SFXN5: variants seen among roughly 807,000 people sequenced by gnomAD.
The protein encoded by SFXN5 is sideroflexin 5.
Under a neutral mutation model 50.2 loss-of-function variants are expected in SFXN5, and 43 were observed. That is an observed-to-expected ratio of 0.86 (90% CI 0.67 to 1.11). The LOEUF (loss-of-function observed/expected upper bound fraction) is 1.11. SFXN5 is among the 50% of genes least tolerant of loss of function. The probability of loss-of-function intolerance (pLI) is 0.00; values close to 1 mark genes in which losing one functional copy is unlikely to be tolerated. For missense variants in SFXN5, 463 were observed against 454.1 expected (o/e 1.02, Z -0.18); for synonymous variants, 203 against 185.8 (o/e 1.09, Z -0.75).
chr2:72,959,705 T>TC (rs1559087751), intron 13 of SFXN5, among the ~76,000 whole-genome samples: 1 of 151,776 alleles, frequency 6.6e-6, no homozygotes, highest in Non-Finnish European at 1.5e-5. Context: ...TGTGCTCTGG[T>TC]CCCCCCTCCT....
chr2:73,047,238 A>G (rs1193722431), intron 2 of SFXN5, among the ~76,000 whole-genome samples: 2 of 62,650 alleles, frequency 3.2e-5, no homozygotes, highest in African/African-American at 1.6e-4. Context: ...AAAAAAAAAA[A>G]AAAAAAAATA....
At chr2:73,047,283 T>TATATATATATATATATATACACAC (rs1325442108) in intron 2 of SFXN5, among the ~76,000 whole-genome samples, 79 of 73,550 alleles carry the variant, frequency 1.1e-3, no homozygotes, top group Admixed American at 2.9e-3. Flanking sequence ...TATACACACA[T>TATATATATATATATATATACACAC]ATATATATAT....
At chr2:73,017,642 C>T (rs1012949867) in intron 6 of SFXN5, among the ~76,000 whole-genome samples, 1 of 152,174 alleles carries the variant, frequency 6.6e-6, no homozygotes, top group African/African-American at 2.4e-5. Context: ...AGTACATATA[C>T]TGTTGGAGTC....
At chr2:73,041,011 T>G in intron 2 of SFXN5, 80 bp from the exon 3 acceptor site, 1 of 1,130,208 alleles carries the variant, frequency 8.8e-7, no homozygotes, top group Non-Finnish European at 1.3e-6. Context: ...ATTACATCAG[T>G]ATCAAATACT....
At chr2:72,991,060 G>A (rs1365729188) in intron 9 of SFXN5, among the ~76,000 whole-genome samples, 1 of 152,250 alleles carries the variant, frequency 6.6e-6, no homozygotes, top group African/African-American at 2.4e-5. Context: ...TCACGGAAGT[G>A]AGCAGAGAGG....
intron 3 of SFXN5, among the ~76,000 whole-genome samples, chr2:73,037,506 C>A (rs1359653082): frequency 6.6e-6 from 1 of 152,124 alleles, no homozygotes. Context: ...TTTGCCAGAG[C>A]TGAAGACAGG....
At chr2:72,988,154 C>A in intron 10 of SFXN5, 104 bp downstream of exon 10, 1 of 1,033,306 alleles carries the variant, frequency 9.7e-7, no homozygotes. Context: ...CTGGGTGCCC[C>A]CTGGGCATCA....
chr2:72,980,200 T>C (rs1178216398), intron 10 of SFXN5, among the ~76,000 whole-genome samples: 2 of 151,710 alleles, frequency 1.3e-5, no homozygotes, highest in Non-Finnish European at 2.9e-5. Context: ...ATGATTCAAA[T>C]GGTGTAAAAG....
At chr2:72,988,542 C>T (rs897909228) in intron 9 of SFXN5, among the ~76,000 whole-genome samples, 194 bp from the exon 10 acceptor site, 2 of 151,972 alleles carry the variant, frequency 1.3e-5, no homozygotes, top group African/African-American at 4.8e-5. Flanking sequence ...GTACCACTGC[C>T]CAGTCATCCC....
At chr2:72,958,959 A>T (rs74730522) in intron 13 of SFXN5, among the ~76,000 whole-genome samples, 1 of 151,758 alleles carries the variant, frequency 6.6e-6, no homozygotes, top group Admixed American at 6.6e-5. Flanking sequence ...AAGCCACCCC[A>T]TTTCTCACCT....
intron 2 of SFXN5, among the ~76,000 whole-genome samples, chr2:73,057,022 G>A (rs1237041888): frequency 6.6e-6 from 1 of 152,184 alleles, no homozygotes; most frequent in Non-Finnish European, 1.5e-5. Flanking sequence ...AAAGAATCCA[G>A]GTGTTTATCA....
chr2:73,052,623 A>G (rs865953122), intron 2 of SFXN5, among the ~76,000 whole-genome samples: 5 of 152,280 alleles, frequency 3.3e-5, no homozygotes, highest in Middle Eastern at 3.4e-3. Context: ...TATGCCCTTC[A>G]TGATGATAAT....
At chr2:73,046,219 G>C (rs1680301011) in intron 2 of SFXN5, among the ~76,000 whole-genome samples, 1 of 151,964 alleles carries the variant, frequency 6.6e-6, no homozygotes, top group East Asian at 1.9e-4. Flanking sequence ...GACCACCCTG[G>C]CCAACATGGT....
In SFXN5 at chr2:73,004,313, G is replaced by GCACACACACA. The variant is rs1239165881; in HGVS notation, c.358-2736_358-2735insTGTGTGTGTG. Among the ~76,000 whole-genome samples, 335 of 138,490 alleles carry GCACACACACA rather than the reference G, an allele frequency of 2.4e-3. 3 individuals carry two copies. Among genetic ancestry groups the GCACACACACA allele is most frequent in the African/African-American group, 9.8e-3 (321 of 32,864 alleles). The allele number at this position is 138,490 out of a possible 152,430, so 90.9% of individuals were successfully genotyped here. ...AGCCAGAGGAGAGGAATGAGTGCGCGCGCACACACACACACACACACACAC... is the reference window on the plus strand; with the variant it reads ...AGCCAGAGGAGAGGAATGAGTGCGCGCACACACACACGCACACACACACACACACACACAC... On this transcript the variant is annotated intron_variant, in intron 6 of 13. Transcript: ENST00000272433.
chr2:72,950,410 A>G lies in SFXN5; in HGVS notation c.946-5311T>C, dbSNP rs2105326593. 6.6e-6 allele frequency among the ~76,000 whole-genome samples: 1 copy of G among 152,292 alleles called. No homozygotes were observed. Among genetic ancestry groups the G allele is most frequent in the Middle Eastern group, 3.4e-3 (1 of 294 alleles). ...TAGCCTCTCACTCTATCCCAGGCCA[A>G]CTTAACTGGTCATTTGTTAGGACCC... On this transcript the variant is annotated intron_variant, in intron 13 of 13. Transcript: ENST00000272433. This position sits in a 1 kb window ranked among gnomAD's most constrained non-coding sequence, Gnocchi z 4.2.
chr2:73,045,696 T>C (rs1370351054), intron 2 of SFXN5, among the ~76,000 whole-genome samples: 1 of 151,942 alleles, frequency 6.6e-6, no homozygotes, highest in Non-Finnish European at 1.5e-5. Context: ...AGCTTGACCA[T>C]TACTAGAGTC....
chr2:73,040,752 T>A, intron 3 of SFXN5, 102 bp downstream of exon 3: 1 of 898,402 alleles, frequency 1.1e-6, no homozygotes, highest in Non-Finnish European at 1.7e-6. Context: ...CAGAAGTATA[T>A]GCTGGACGAA....
chr2:72,996,384 C>T (rs1574067042), intron 9 of SFXN5: 1 of 152,476 alleles, frequency 6.6e-6, no homozygotes, highest in African/African-American at 2.4e-5. Context: ...ACCCATACCC[C>T]ACAAATCTGT....
At chr2:73,070,929 C>T (rs1683546646) in intron 1 of SFXN5, 1 of 152,378 alleles carries the variant, frequency 6.6e-6, no homozygotes, top group African/African-American at 2.4e-5. Context: ...CACAGCGTTT[C>T]CCCCGCACGC....
Sources: allele counts gnomAD v4.1 joint callset (sites outside exome capture counted in the v4.1 genomes callset), GRCh38; gene constraint gnomAD v4.1.1; non-coding constraint Gnocchi (gnomAD v3.1); transcripts MANE v1.5; gene names NCBI Gene and HGNC (gene_info 2026-07-23, HGNC 2026-07-21).